The following TMEM135 variants were observed in gnomAD, a reference collection of about 807,000 sequenced individuals.
TMEM135 encodes the protein transmembrane protein 135, also known as peroxisomal membrane protein 52.
TMEM135 carries 30 observed loss-of-function variants against 60.3 expected under a neutral mutation model. The ratio of observed to expected loss-of-function variants is 0.50; its 90% CI spans 0.37 to 0.68. TMEM135 has a LOEUF of 0.68. TMEM135 is among the 30% of genes least tolerant of loss of function. The pLI, the probability that TMEM135 is intolerant of heterozygous loss-of-function variation, is 0.00. For synonymous variants in TMEM135, 190 were observed against 186.7 expected (o/e 1.02, Z -0.14); for missense variants, 468 against 548.8 (o/e 0.85, Z 1.47).
intron 1 of TMEM135, among the ~76,000 whole-genome samples, chr11:87,050,522 G>C (rs1450693594): frequency 7.0e-5 from 4 of 57,486 alleles, no homozygotes; most frequent in African/African-American, 3.9e-4. Flanking sequence ...TACCATCAGA[G>C]AATACTACAA....
chr11:87,316,948 C>T (rs1942743402), intron 12 of TMEM135, among the ~76,000 whole-genome samples: 1 of 150,288 alleles, frequency 6.7e-6, no homozygotes, highest in South Asian at 2.1e-4. Flanking sequence ...ATTCATTGCT[C>T]TGGTAATAGA....
intron 8 of TMEM135, 147 bp downstream of exon 8, chr11:87,302,589 C>A (rs1345756724): frequency 7.2e-6 from 7 of 972,796 alleles, no homozygotes; most frequent in Non-Finnish European, 1.1e-5. Flanking sequence ...AAAAGGCACA[C>A]AATGGCAAGT....
chr11:87,221,813 C>T (rs1004045043), intron 5 of TMEM135, among the ~76,000 whole-genome samples: 3 of 152,144 alleles, frequency 2.0e-5, no homozygotes, highest in African/African-American at 7.2e-5. Flanking sequence ...GCTAGCTCAG[C>T]ATTTAAGTTT....
intron 3 of TMEM135, among the ~76,000 whole-genome samples, chr11:87,088,363 T>C (rs1857139708): frequency 1.3e-5 from 2 of 152,200 alleles, no homozygotes; most frequent in African/African-American, 4.8e-5. Context: ...AATGGATTCT[T>C]ATTGCAGTGA....
chr11:87,311,071 AAG>A (rs1452415365), intron 10 of TMEM135, among the ~76,000 whole-genome samples: 1 of 149,280 alleles, frequency 6.7e-6, no homozygotes, highest in Non-Finnish European at 1.5e-5. Context: ...AATATATTGA[AAG>A]AAGAATATAT....
chr11:87,302,660 G>A (rs1322839559), intron 8 of TMEM135, among the ~76,000 whole-genome samples: 1 of 152,180 alleles, frequency 6.6e-6, no homozygotes, highest in Non-Finnish European at 1.5e-5. Context: ...AAAGAGGTTT[G>A]CATAAAATTG....
intron 5 of TMEM135, among the ~76,000 whole-genome samples, chr11:87,166,519 A>C (rs548550919): frequency 4.6e-5 from 7 of 151,886 alleles, no homozygotes; most frequent in African/African-American, 1.7e-4. Context: ...AGTTTTCTGC[A>C]TATGGCTAGC....
chr11:87,056,393 C>T (rs1949894975), intron 1 of TMEM135, among the ~76,000 whole-genome samples: 1 of 152,152 alleles, frequency 6.6e-6, no homozygotes, highest in African/African-American at 2.4e-5. Context: ...CAGGTGTGAG[C>T]CACGGCACCT....
At position 87,277,183 on chromosome 11, in the gene TMEM135, G is replaced by A. The variant is rs559537574; in HGVS notation, c.510-18599G>A. ...GTCTCGCTTTGTTGCCCAGGCTGGA[G>A]TGCAGTGGTGTGATCTCAGCTCACT... On this transcript the variant is annotated intron_variant, in intron 6 of 14. Coordinates refer to ENST00000305494, the MANE Select transcript of TMEM135 (RefSeq NM_022918.4). The A allele has an allele frequency of 2.7e-5, 6 of 220,772 alleles. No individual in the cohort carries two copies. In the East Asian group the frequency reaches 1.0e-3, roughly 38 times the overall value. The allele number at this position is 220,772 out of a possible 1,614,324, so 13.7% of individuals were successfully genotyped here.
chr11:87,153,981 A>G (rs1490861958), intron 4 of TMEM135, among the ~76,000 whole-genome samples: 1 of 152,200 alleles, frequency 6.6e-6, no homozygotes, highest in African/African-American at 2.4e-5. Context: ...GTGGTAAAAT[A>G]TATACAATGT....
In TMEM135 at chr11:87,110,772, A is replaced by G. The variant is rs3900209; in HGVS notation, c.396+19377A>G. ...TTTTTAAAGGAATGTGTGTGTGTGT[A>G]TGTGTGTGTGTGTGTGTGATGAATA... On this transcript the variant is annotated intron_variant, in intron 4 of 14. Transcript: ENST00000305494. Among the ~76,000 whole-genome samples, 13 of 56,062 alleles carry G rather than the reference A, an allele frequency of 2.3e-4. No homozygotes were observed. In the Admixed American group the frequency reaches 2.9e-3, roughly 12 times the overall value. 36.8% of individuals were successfully genotyped at this position (56,062 alleles called of 152,430 possible).
At chr11:87,300,648 GTTCATTCA>G (rs560810072) in intron 7 of TMEM135, among the ~76,000 whole-genome samples, 1 of 152,160 alleles carries the variant, frequency 6.6e-6, no homozygotes, top group Non-Finnish European at 1.5e-5. Context: ...CTATTACTAT[GTTCATTCA>G]TTCATTCATT....
chr11:87,275,383 C>G (rs778733939), intron 6 of TMEM135, among the ~76,000 whole-genome samples: 2 of 151,956 alleles, frequency 1.3e-5, no homozygotes, highest in Admixed American at 6.6e-5. Flanking sequence ...CAAAGCCTGC[C>G]TATCAGATGC....
At chr11:87,276,728 G>A (rs181689084) in intron 6 of TMEM135, among the ~76,000 whole-genome samples, 190 of 146,556 alleles carry the variant, frequency 1.3e-3, no homozygotes, top group Non-Finnish European at 2.5e-3. Flanking sequence ...TATCGCGGTA[G>A]CGTGATCTCG....
At chr11:87,172,128 A>G (rs955340101) in intron 5 of TMEM135, among the ~76,000 whole-genome samples, 2 of 152,090 alleles carry the variant, frequency 1.3e-5, no homozygotes, top group South Asian at 4.1e-4. Context: ...CTTCAAAACT[A>G]TAGGTACCTG....
rs951947844 is a variant in TMEM135 at position 87,037,937 on chromosome 11, C to T, written c.-109C>T. On this transcript the variant is annotated 5_prime_UTR_variant, in exon 1 of 15. Coordinates refer to ENST00000305494, the MANE Select transcript of TMEM135 (RefSeq NM_022918.4). ...GCTCTCGTGACCTTTCCCCTCCATT[C>T]CGCACCTCCGAGTGCTGGCCGGGCG... 6.6e-7 allele frequency: 1 copy of T among 1,524,232 alleles called. No homozygotes were observed. 94.4% of individuals were successfully genotyped at this position (1,524,232 alleles called of 1,614,324 possible). A position where few individuals can be genotyped will look rare whatever the true frequency, so the allele number is the denominator to read the frequency against.
chr11:87,131,467 T>C (rs899666301), intron 4 of TMEM135, among the ~76,000 whole-genome samples: 1 of 152,192 alleles, frequency 6.6e-6, no homozygotes, highest in Non-Finnish European at 1.5e-5. Flanking sequence ...ATGTATACTA[T>C]TATATCTGCA....
chr11:87,123,512 G>T (rs912817939), intron 4 of TMEM135, among the ~76,000 whole-genome samples: 2 of 152,114 alleles, frequency 1.3e-5, no homozygotes, highest in African/African-American at 4.8e-5. Context: ...ACATTAGCTT[G>T]ATTACATCTG....
intron 5 of TMEM135, among the ~76,000 whole-genome samples, chr11:87,182,747 A>T (rs977103945): frequency 6.6e-6 from 1 of 152,124 alleles, no homozygotes; most frequent in African/African-American, 2.4e-5. Context: ...GGTGAATGTA[A>T]TAATAAATGA....
Sources: allele counts gnomAD v4.1 joint callset (sites outside exome capture counted in the v4.1 genomes callset), GRCh38; gene constraint gnomAD v4.1.1; transcripts MANE v1.5; gene names NCBI Gene and HGNC (gene_info 2026-07-23, HGNC 2026-07-21).